The following NECAB3 variants were observed in gnomAD, a reference collection of about 807,000 sequenced individuals.
NECAB3 encodes the protein N-terminal EF-hand calcium binding protein 3, also known as N-terminal EF-hand calcium-binding protein 3.
In NECAB3, 38 loss-of-function variants were observed where a neutral mutation model predicts 57.2. The observed-to-expected ratio is 0.66, with a 90% CI of 0.51 to 0.87. The LOEUF (loss-of-function observed/expected upper bound fraction) is 0.87, where lower values mean the gene tolerates loss of function less well. Ranked by LOEUF, NECAB3 falls within the 40% of genes least tolerant of loss-of-function variation. The probability of loss-of-function intolerance (pLI) is 0.00; values close to 1 mark genes in which losing one functional copy is unlikely to be tolerated. For missense variants in NECAB3, 474 were observed against 527.5 expected, an observed-to-expected ratio of 0.90 and a Z score of 0.99; for synonymous variants, 223 against 222.6, an observed-to-expected ratio of 1.00 and a Z score of -0.02.
intron 5 of NECAB3, chr20:33,667,805 C>A (rs756733302): frequency 8.7e-6 from 14 of 1,612,514 alleles, no homozygotes; most frequent in African/African-American, 1.3e-5. Context: ...CGCCACCATC[C>A]GGCCAGTTTC....
intron 5 of NECAB3, chr20:33,669,057 A>T: frequency 3.1e-6 from 1 of 326,160 alleles, no homozygotes; most frequent in Non-Finnish European, 5.7e-6. Flanking sequence ...CTAAAGCAAC[A>T]GCAGCCCCTA....
intron 1 of NECAB3, 51 bp downstream of exon 1, chr20:33,674,173 A>G: frequency 8.0e-7 from 1 of 1,242,948 alleles, no homozygotes; most frequent in Middle Eastern, 2.1e-4. Context: ...GGGTGAGACT[A>G]ACAGAGACTC....
intron 5 of NECAB3, chr20:33,664,999 C>T (rs2017605133): frequency 6.6e-6 from 1 of 152,284 alleles, no homozygotes. Context: ...TGACTCTTCC[C>T]TACCATCCAC....
Position 33,660,762 on chromosome 20 carries a change from G to A in NECAB3, c.388-367C>T, listed in dbSNP as rs953260329. Among the ~76,000 whole-genome samples, 1 of 152,166 alleles carries A rather than the reference G, an allele frequency of 6.6e-6. No homozygotes were observed. The highest frequency in any genetic ancestry group is 3.2e-3 in the Middle Eastern group (1 of 316). On this transcript the variant is annotated intron_variant, in intron 5 of 11. Transcript: ENST00000246190. This position sits in a 1 kb window ranked among gnomAD's most constrained non-coding sequence, Gnocchi z 4.1. Reference sequence around the variant, plus strand: ...TGGGGGCTATCACGAGGTATCCAAGGGCCAATGTTGACACAAGGCAAAATA... The same window carrying A: ...TGGGGGCTATCACGAGGTATCCAAGAGCCAATGTTGACACAAGGCAAAATA...
intron 8 of NECAB3, 38 bp downstream of exon 8, chr20:33,659,459 C>T: frequency 2.1e-6 from 3 of 1,432,202 alleles, no homozygotes; most frequent in Non-Finnish European, 2.8e-6. Flanking sequence ...CACCCCCAGA[C>T]ACGGCCATCC....
chr20:33,667,271 G>A, intron 5 of NECAB3: 1 of 468,078 alleles, frequency 2.1e-6, no homozygotes, highest in Non-Finnish European at 3.5e-6. Context: ...GGAGCGCCGG[G>A]CTGCGAGCTG....
chr20:33,663,673 G>A (rs929898819), intron 5 of NECAB3: 8 of 1,590,268 alleles, frequency 5.0e-6, no homozygotes, highest in Admixed American at 1.7e-5. Context: ...TAGCGAGCGC[G>A]AGCCGAGGAT....
rs2017898799 is a variant in NECAB3, at chr20:33,674,236, C to T, written c.117G>A (p.Thr39=). The stretch of plus-strand genomic sequence containing the variant: ...CGCGCCCACTCACGTCCTGGAAGAG[C>T]GTGTGTCCGGCGGGCCCCGGGTCGG... ...LAPDPGPAGH[T]LFQDVFRRAD... The change falls in exon 1 of 12, where the codon ACG becomes ACA. Residue 39 remains threonine (T), a synonymous_variant. Coordinates refer to ENST00000246190, the MANE Select transcript of NECAB3 (RefSeq NM_031232.4). The T allele has an allele frequency of 2.4e-6, 3 of 1,246,408 alleles. No homozygotes were observed. Among genetic ancestry groups the T allele is most frequent in the Non-Finnish European group, 3.0e-6 (3 of 995,564 alleles). The allele number at this position is 1,246,408 out of a possible 1,614,324, so 77.2% of individuals were successfully genotyped here. A position where few individuals can be genotyped will look rare whatever the true frequency, so the allele number is the denominator to read the frequency against.
At chr20:33,664,856 T>C (rs938383450) in intron 5 of NECAB3, 1 of 152,280 alleles carries the variant, frequency 6.6e-6, no homozygotes, top group Non-Finnish European at 1.5e-5. Flanking sequence ...CCCAGCTCAC[T>C]ACAGCCATCA....
At chr20:33,667,979 A>G in intron 5 of NECAB3, 1 of 1,548,874 alleles carries the variant, frequency 6.5e-7, no homozygotes. Flanking sequence ...CGCCTGGCAG[A>G]CACCGTGGTG....
Position 33,660,130 on chromosome 20 carries a change from T to G in NECAB3, c.525-127A>C, listed in dbSNP as rs2017419148. 6.5e-7 allele frequency: 1 copy of G among 1,527,384 alleles called. No homozygotes were observed. Among genetic ancestry groups the G allele is most frequent in the African/African-American group, 1.4e-5 (1 of 72,842 alleles). The allele number at this position is 1,527,384 out of a possible 1,614,324, so 94.6% of individuals were successfully genotyped here. On this transcript the variant is annotated intron_variant, in intron 6 of 11. Transcript: ENST00000246190. The surrounding 1 kb of genome is among the most constrained non-coding windows in gnomAD (Gnocchi z 4.1). ...AAGCCAGTCTCATTTCACCCCGCCA[T>G]GGCTACCCTGCCATGGCTTCCCCGC...
Position 33,660,177 on chromosome 20 carries a change from T to C in NECAB3, c.524+82A>G. On this transcript the variant is annotated intron_variant, in intron 6 of 11. Transcript: ENST00000246190. The surrounding 1 kb of genome is among the most constrained non-coding windows in gnomAD (Gnocchi z 4.1). ...CCGCCCGAAAATGCAGGCTCCAGGA[T>C]GCTGGGACTGTGGGGATTTGGAATG... is the stretch of plus-strand genomic sequence containing the variant. The C allele has an allele frequency of 1.3e-6, 2 of 1,567,436 alleles. No individual in the cohort carries two copies. The highest frequency in any genetic ancestry group is 1.8e-5 in the Admixed American group (1 of 56,850).
chr20:33,667,367 T>C, intron 5 of NECAB3: 1 of 1,205,458 alleles, frequency 8.3e-7, no homozygotes, highest in East Asian at 3.2e-5. Flanking sequence ...GAGCGCCTGC[T>C]GGTGGGCGGC....
intron 5 of NECAB3, chr20:33,663,460 C>G (rs1002171229): frequency 2.7e-6 from 4 of 1,491,472 alleles, no homozygotes; most frequent in African/African-American, 1.4e-5. Context: ...CCAGGAGAAG[C>G]GCGGAGCGGC....
In NECAB3 at chr20:33,659,423, G is replaced by A. The variant is rs552042811; in HGVS notation, c.879+74C>T. Reference sequence around the variant, plus strand: ...CACTGCAGAGGGTTGGTGGGCAACCGGCCCCATGAATCCCCAATTCATGAG... The same window carrying A: ...CACTGCAGAGGGTTGGTGGGCAACCAGCCCCATGAATCCCCAATTCATGAG... On this transcript the variant is annotated intron_variant, in intron 8 of 11. Transcript: ENST00000246190. 6.0e-4 allele frequency: 784 copies of A among 1,314,076 alleles called. 1 individual carries two copies. Among genetic ancestry groups the A allele is most frequent in the Non-Finnish European group, 7.0e-4 (686 of 982,844 alleles). The allele number at this position is 1,314,076 out of a possible 1,614,324, so 81.4% of individuals were successfully genotyped here.
intron 5 of NECAB3, chr20:33,663,719 G>A (rs1445280684): frequency 7.1e-6 from 11 of 1,542,406 alleles, no homozygotes; most frequent in African/African-American, 1.4e-5. Flanking sequence ...CAAGAGGCGC[G>A]GCGGCCGGAA....
At chr20:33,663,879 G>C (rs530434940) in intron 5 of NECAB3, 1 of 1,383,332 alleles carries the variant, frequency 7.2e-7, no homozygotes, top group African/African-American at 1.5e-5. Context: ...CGCTTGGCCC[G>C]GACCCCGCCC....
chr20:33,662,561 T>C lies in NECAB3; in HGVS notation c.388-2166A>G, dbSNP rs2017514100. On this transcript the variant is annotated intron_variant, in intron 5 of 11. Transcript: ENST00000246190. ...TGGGTGGGAAGGGATGCTGGGAGTC[T>C]AGGCCTTGTATGCAGAAGTCCTAGG... 9 of 1,419,936 alleles carry C rather than the reference T, an allele frequency of 6.3e-6. No individual in the cohort carries two copies. In the East Asian group the frequency reaches 1.7e-4, roughly 28 times the overall value. The allele number at this position is 1,419,936 out of a possible 1,614,324, so 88.0% of individuals were successfully genotyped here. A position where few individuals can be genotyped will look rare whatever the true frequency, so the allele number is the denominator to read the frequency against.
intron 5 of NECAB3, chr20:33,666,740 C>T (rs531681422): frequency 1.2e-4 from 19 of 152,504 alleles, no homozygotes; most frequent in Admixed American, 1.0e-3. Context: ...TGAAGCCCGG[C>T]GCCAGAGGGA....
Sources: allele counts gnomAD v4.1 joint callset (sites outside exome capture counted in the v4.1 genomes callset), GRCh38; gene constraint gnomAD v4.1.1; non-coding constraint Gnocchi (gnomAD v3.1); transcripts MANE v1.5; gene names NCBI Gene and HGNC (gene_info 2026-07-23, HGNC 2026-07-21).